Variants in ALMS1 observed in about 807,000 individuals in gnomAD.
ALMS1 encodes ALMS1 centrosome and basal body associated protein, also known as centrosome-associated protein ALMS1.
ALMS1 carries 271 observed loss-of-function variants against 352.2 expected under a neutral mutation model. The ratio of observed to expected loss-of-function variants is 0.77; its 90% CI spans 0.70 to 0.85. ALMS1 has a LOEUF of 0.85. Among genes scored for constraint, ALMS1 ranks in the 40% least tolerant of loss-of-function variants. The probability of loss-of-function intolerance (pLI) is 0.00; values close to 1 mark genes in which losing one functional copy is unlikely to be tolerated. For missense variants in ALMS1, 5,445 were observed against 4,870.7 expected (o/e 1.12, Z -3.51); for synonymous variants, 1,865 against 1,761.2 (o/e 1.06, Z -1.48).
intron 11 of ALMS1, among the ~76,000 whole-genome samples, chr2:73,532,836 TG>T (rs1673949942): frequency 6.6e-6 from 1 of 152,190 alleles, no homozygotes; most frequent in African/African-American, 2.4e-5. Flanking sequence ...GGAAATGTGC[TG>T]GGTCACACCT....
rs753008972 is a variant in ALMS1, at chr2:73,573,027, A to G, written c.11150A>G (p.Asp3717Gly). The G allele has an allele frequency of 5.0e-6, 8 of 1,613,992 alleles. No homozygotes were observed. The Admixed American group carries it at 1.3e-4, about 27-fold the overall frequency. The part of the protein sequence containing the change: ...NQIKIEQIKF[D>G]KYILSKQPGF... ...ATTAAAATTGAACAGATTAAATTTG[A>G]TAAATATATTCTGAGTAAACAGCCA... Residue 3717 changes from aspartate (D) to glycine (G), a missense_variant, in exon 16 of 23, where the codon GAT (aspartate) becomes GGT (glycine). Physicochemically the swap from Asp to Gly is moderately conservative, Grantham distance 94 (BLOSUM62 -1). Transcript: ENST00000613296.
chr2:73,429,717 A>G (rs1671463210), intron 6 of ALMS1, among the ~76,000 whole-genome samples: 1 of 152,064 alleles, frequency 6.6e-6, no homozygotes, highest in African/African-American at 2.4e-5. Context: ...CTCTGTGTGG[A>G]TGATTATCAC....
Position 73,452,619 on chromosome 2 carries a change from T to C in ALMS1, c.6092T>C (p.Ile2031Thr), listed in dbSNP as rs374673974. The C allele has an allele frequency of 3.1e-6, 5 of 1,613,874 alleles. No individual in the cohort carries two copies. In the African/African-American group the frequency reaches 6.7e-5, roughly 22 times the overall value. Residue 2031 changes from isoleucine (I) to threonine (T), a missense_variant, in exon 8 of 23, where the codon ATT (isoleucine) becomes ACT (threonine). Ile to Thr is a moderately conservative substitution (Grantham distance 89). Transcript: ENST00000613296. Reference sequence around the variant, plus strand: ...GAGAAGCCCAAGATTTCAACTGTGATTGGACCAAATGACCAGAAGACTCCA... The same window carrying C: ...GAGAAGCCCAAGATTTCAACTGTGACTGGACCAAATGACCAGAAGACTCCA... The part of the protein sequence containing the change: ...QIEKPKISTV[I>T]GPNDQKTPSQ...
chr2:73,583,145 T>A (rs1182069528), intron 16 of ALMS1, among the ~76,000 whole-genome samples: 1 of 152,180 alleles, frequency 6.6e-6, no homozygotes, highest in African/African-American at 2.4e-5. Flanking sequence ...ATATGCTTTT[T>A]GGCCATTTGT....
At chr2:73,466,500 G>A (rs1190266011) in intron 9 of ALMS1, among the ~76,000 whole-genome samples, 1 of 125,368 alleles carries the variant, frequency 8.0e-6, no homozygotes, top group Non-Finnish European at 1.6e-5. Context: ...GGGGGGAGGG[G>A]GGAGGGGGGA....
In ALMS1 at chr2:73,480,761, T is replaced by C. The variant is rs1452759318; in HGVS notation, c.7675-8873T>C. Among the ~76,000 whole-genome samples the C allele has an allele frequency of 2.1e-3, 322 of 150,650 alleles. 1 individual carries two copies. The highest frequency in any genetic ancestry group is 3.4e-3 in the Non-Finnish European group (227 of 67,558). ...TGTTGTTTCCTGACTTTTTAATGATTGCCATTCTAACTGGTGTGAGATGGT... is the reference window on the plus strand; with the variant it reads ...TGTTGTTTCCTGACTTTTTAATGATCGCCATTCTAACTGGTGTGAGATGGT... On this transcript the variant is annotated intron_variant, in intron 9 of 22. Transcript: ENST00000613296.
At chr2:73,558,159 A>G (rs951109368) in intron 14 of ALMS1, among the ~76,000 whole-genome samples, 1 of 152,220 alleles carries the variant, frequency 6.6e-6, no homozygotes, top group African/African-American at 2.4e-5. Context: ...TGGGAAATTG[A>G]GTTGTTATTC....
Position 73,424,586 on chromosome 2 carries a change from G to T in ALMS1, c.921G>T (p.Gly307=). The change falls in exon 5 of 23, where the codon GGG becomes GGT. Residue 307 remains glycine (G), a synonymous_variant. Transcript: ENST00000613296. ...CGCTTATAGGCAGCACAGCTGTTGGGTCTCAGTGCCCTTTTTTACCTTCTG... is the reference window on the plus strand; with the variant it reads ...CGCTTATAGGCAGCACAGCTGTTGGTTCTCAGTGCCCTTTTTTACCTTCTG... ...QHPLIGSTAV[G]SQCPFLPSEQ... 6.2e-7 allele frequency: 1 copy of T among 1,613,940 alleles called. No homozygotes were observed. The highest frequency in any genetic ancestry group is 8.5e-7 in the Non-Finnish European group (1 of 1,179,986).
At chr2:73,510,983 CTG>C (rs1212215114) in intron 10 of ALMS1, among the ~76,000 whole-genome samples, 1 of 152,190 alleles carries the variant, frequency 6.6e-6, no homozygotes, top group East Asian at 1.9e-4. Context: ...TTTGTTTACA[CTG>C]TGAGGGGAAA....
intron 11 of ALMS1, 46 bp downstream of exon 11, chr2:73,520,062 G>A (rs1294339908): frequency 1.2e-6 from 2 of 1,612,180 alleles, no homozygotes; most frequent in Non-Finnish European, 8.5e-7. Context: ...CAGCTCTTTT[G>A]TGTAGTTATC....
At chr2:73,511,359 T>C (rs1355137987) in intron 10 of ALMS1, among the ~76,000 whole-genome samples, 1 of 151,640 alleles carries the variant, frequency 6.6e-6, no homozygotes, top group East Asian at 1.9e-4. Flanking sequence ...TTTCGAAGAC[T>C]GTGGGAAAAG....
At chr2:73,532,871 C>T (rs1350419297) in intron 11 of ALMS1, among the ~76,000 whole-genome samples, 1 of 152,244 alleles carries the variant, frequency 6.6e-6, no homozygotes, top group Non-Finnish European at 1.5e-5. Flanking sequence ...CTCTGAGTCT[C>T]ACCCAGGTGA....
intron 12 of ALMS1, among the ~76,000 whole-genome samples, chr2:73,541,183 C>T (rs987793904): frequency 1.3e-5 from 2 of 152,218 alleles, no homozygotes; most frequent in African/African-American, 2.4e-5. Context: ...TCTCAGACCA[C>T]AGTGCAATCA....
At chr2:73,484,775 T>A (rs1244900330) in intron 9 of ALMS1, among the ~76,000 whole-genome samples, 1 of 152,210 alleles carries the variant, frequency 6.6e-6, no homozygotes, top group Non-Finnish European at 1.5e-5. Flanking sequence ...TGCTCATTTC[T>A]TTTTATTCTT....
At chr2:73,455,053 G>C in intron 8 of ALMS1, 109 bp from the exon 9 acceptor site, 1 of 1,197,952 alleles carries the variant, frequency 8.3e-7, no homozygotes, top group East Asian at 2.3e-5. Context: ...GACATACTAA[G>C]CATTGCAGTG....
At position 73,469,597 on chromosome 2, in the gene ALMS1, A is replaced by G. The variant is rs114320922; in HGVS notation, c.7674+14302A>G. 133 of 152,092 alleles carry G rather than the reference A, an allele frequency of 8.7e-4. 1 individual carries two copies. The highest frequency in any genetic ancestry group is 3.0e-3 in the African/African-American group (124 of 41,548). The allele number at this position is 152,092 out of a possible 1,614,324, so 9.4% of individuals were successfully genotyped here. ...AAACATTATGAGAGAGAAAAACTTT[A>G]TTGATCAAACATTTGGCTTCCAAGA... On this transcript the variant is annotated intron_variant, in intron 9 of 22. Coordinates refer to ENST00000613296, the MANE Select transcript of ALMS1 (RefSeq NM_001378454.1).
chr2:73,413,365 A>G (rs985353444), intron 2 of ALMS1, among the ~76,000 whole-genome samples: 4 of 152,116 alleles, frequency 2.6e-5, no homozygotes, highest in Non-Finnish European at 5.9e-5. Context: ...CTTGTGTACT[A>G]TCTGAGAAAT....
intron 19 of ALMS1, 129 bp from the exon 20 acceptor site, chr2:73,602,056 G>T: frequency 1.0e-6 from 1 of 974,252 alleles, no homozygotes; most frequent in Non-Finnish European, 1.6e-6. Context: ...TTCAACGCTA[G>T]ATACTTTCTC....
chr2:73,483,510 G>A lies in ALMS1; in HGVS notation c.7675-6124G>A, dbSNP rs1011855062. Among the ~76,000 whole-genome samples, 282 of 151,758 alleles carry A rather than the reference G, an allele frequency of 1.9e-3. 1 individual carries two copies. The highest frequency in any genetic ancestry group is 3.4e-3 in the Middle Eastern group (1 of 294). On this transcript the variant is annotated intron_variant, in intron 9 of 22. Coordinates refer to ENST00000613296, the MANE Select transcript of ALMS1 (RefSeq NM_001378454.1). The stretch of plus-strand genomic sequence containing the variant: ...AGTTCCAAGTATGTGGTCAATTTTG[G>A]AATAGGTGTGGTGTGGTGCTGAAAA...
Sources: gnomAD v4.1 joint callset for allele counts (sites outside exome capture counted in the v4.1 genomes callset) on GRCh38, gnomAD v4.1.1 for gene constraint, MANE v1.5 for transcripts, NCBI Gene and HGNC (gene_info 2026-07-23, HGNC 2026-07-21) for gene names.